The following SOX5 variants were observed in gnomAD, a reference collection of about 807,000 sequenced individuals.
SOX5 encodes the protein transcription factor SOX-5.
SOX5 carries 9 observed loss-of-function variants against 92.0 expected under a neutral mutation model. The ratio of observed to expected loss-of-function variants is 0.10; its 90% CI spans 0.06 to 0.17. The LOEUF is 0.17. SOX5 is among the 10% of genes least tolerant of loss of function. The pLI, the probability that SOX5 is intolerant of heterozygous loss-of-function variation, is 1.00. For synonymous variants in SOX5, 344 were observed against 336.3 expected, an observed-to-expected ratio of 1.02 and a Z score of -0.25; for missense variants, 642 against 944.5, an observed-to-expected ratio of 0.68 and a Z score of 4.20.
At chr12:23,984,439 G>C (rs887834054) in intron 4 of SOX5, among the ~76,000 whole-genome samples, 3 of 152,152 alleles carry the variant, frequency 2.0e-5, no homozygotes, top group Non-Finnish European at 2.9e-5. Flanking sequence ...AATCCACCAA[G>C]GGGTAGAAGC....
rs79911286 is a variant in SOX5 at position 23,618,824 on chromosome 12, T to C, written c.1018-14291A>G. Among the ~76,000 whole-genome samples, 497 of 152,318 alleles carry C rather than the reference T, an allele frequency of 3.3e-3. 2 individuals are homozygous for C. Among genetic ancestry groups the C allele is most frequent in the African/African-American group, 0.012 (479 of 41,584 alleles). On this transcript the variant is annotated intron_variant, in intron 8 of 14. Coordinates refer to ENST00000451604, the MANE Select transcript of SOX5 (RefSeq NM_006940.6). Reference sequence around the variant, plus strand: ...AACACTTTCCAGATAAAATGTTCTATGATTAAATTCATCTCTTTTGCAGTG... The same window carrying C: ...AACACTTTCCAGATAAAATGTTCTACGATTAAATTCATCTCTTTTGCAGTG...
chr12:24,376,173 A>T (rs990583846), intron 1 of SOX5, among the ~76,000 whole-genome samples: 1 of 152,250 alleles, frequency 6.6e-6, no homozygotes, highest in Non-Finnish European at 1.5e-5. Context: ...TTAAACTTTT[A>T]AAATGTGCGT....
At chr12:24,482,900 A>G (rs1946152608) in intron 1 of SOX5, among the ~76,000 whole-genome samples, 1 of 152,240 alleles carries the variant, frequency 6.6e-6, no homozygotes, top group Non-Finnish European at 1.5e-5. Context: ...TCTAAATGCC[A>G]AGTCAAGTTT....
At chr12:24,030,080 T>C (rs189409400) in intron 4 of SOX5, among the ~76,000 whole-genome samples, 101 of 152,000 alleles carry the variant, frequency 6.6e-4, no homozygotes, top group African/African-American at 2.2e-3. Flanking sequence ...CTCAATTACA[T>C]AGTAAATAAT....
chr12:24,004,585 A>T (rs533417905), intron 4 of SOX5, among the ~76,000 whole-genome samples: 1 of 152,254 alleles, frequency 6.6e-6, no homozygotes, highest in East Asian at 1.9e-4. Context: ...CACACTCACA[A>T]TGGTGGCCAT....
chr12:24,452,900 A>G (rs1273414348), intron 1 of SOX5, among the ~76,000 whole-genome samples: 1 of 152,210 alleles, frequency 6.6e-6, no homozygotes, highest in Non-Finnish European at 1.5e-5. Flanking sequence ...TTCAGGGAAT[A>G]TAAGGTCATG....
intron 1 of SOX5, among the ~76,000 whole-genome samples, chr12:24,418,768 C>G (rs929029479): frequency 6.6e-6 from 1 of 152,132 alleles, no homozygotes; most frequent in African/African-American, 2.4e-5. Flanking sequence ...TAAAAATACC[C>G]TGATGACTCA....
At chr12:24,011,107 T>C (rs1437961351) in intron 4 of SOX5, among the ~76,000 whole-genome samples, 1 of 152,154 alleles carries the variant, frequency 6.6e-6, no homozygotes, top group Non-Finnish European at 1.5e-5. Context: ...ATGACAATGA[T>C]ACAGCAATAA....
chr12:23,590,689 A>G (rs113216569), intron 9 of SOX5, among the ~76,000 whole-genome samples: 110 of 152,086 alleles, frequency 7.2e-4, no homozygotes, highest in Middle Eastern at 6.8e-3. Flanking sequence ...TTATTCTACC[A>G]AAGTGTCCAG....
chr12:24,498,708 G>T (rs1456763758), intron 1 of SOX5, among the ~76,000 whole-genome samples: 1 of 152,018 alleles, frequency 6.6e-6, no homozygotes, highest in Non-Finnish European at 1.5e-5. Flanking sequence ...TAAATGAATT[G>T]CAAAGAATCA....
chr12:24,014,674 T>A (rs1251577939), intron 4 of SOX5, among the ~76,000 whole-genome samples: 1 of 152,110 alleles, frequency 6.6e-6, no homozygotes, highest in Non-Finnish European at 1.5e-5. Flanking sequence ...AAATGGTAGG[T>A]TTTGGGAAAG....
At chr12:23,696,733 C>A (rs1024293759) in intron 6 of SOX5, among the ~76,000 whole-genome samples, 1 of 152,108 alleles carries the variant, frequency 6.6e-6, no homozygotes, top group African/African-American at 2.4e-5. Flanking sequence ...TAATGCTATA[C>A]ATTCCCTTCT....
chr12:24,536,099 C>G (rs1951617638), intron 1 of SOX5, among the ~76,000 whole-genome samples: 1 of 152,078 alleles, frequency 6.6e-6, no homozygotes, highest in Admixed American at 6.5e-5. Flanking sequence ...TACTGTTAAC[C>G]CTTGGAAGAT....
intron 6 of SOX5, among the ~76,000 whole-genome samples, chr12:23,685,760 C>A (rs2139908258): frequency 6.6e-6 from 1 of 152,146 alleles, no homozygotes; most frequent in Non-Finnish European, 1.5e-5. Context: ...GGAGGGACTC[C>A]ATGGACCCCA....
At chr12:24,473,184 T>C (rs926772183) in intron 1 of SOX5, among the ~76,000 whole-genome samples, 2 of 152,160 alleles carry the variant, frequency 1.3e-5, no homozygotes, top group African/African-American at 4.8e-5. Flanking sequence ...TAAATTTTTA[T>C]CTACACTCAT....
intron 10 of SOX5, among the ~76,000 whole-genome samples, chr12:23,572,067 T>C (rs1209160685): frequency 1.3e-5 from 2 of 152,218 alleles, no homozygotes; most frequent in Non-Finnish European, 2.9e-5. Context: ...AAGGATCTCC[T>C]TCCTTTGGAG....
rs16927122 is a variant in SOX5 at position 24,059,816 on chromosome 12, T to C, written c.-2+153527A>G. On this transcript the variant is annotated intron_variant, in intron 4 of 4. Transcript: ENST00000446891. ...AACCCAAACATATTTACTGAATACA[T>C]CGTTAATGGAAGATTCCAGGTACTG... Among the ~76,000 whole-genome samples, 296 of 152,294 alleles carry C rather than the reference T, an allele frequency of 1.9e-3. 9 individuals are homozygous for C. The East Asian group carries it at 0.051, about 26-fold the overall frequency.
At chr12:24,229,819 C>G (rs572321213) in intron 3 of SOX5, among the ~76,000 whole-genome samples, 1 of 152,148 alleles carries the variant, frequency 6.6e-6, no homozygotes, top group African/African-American at 2.4e-5. Flanking sequence ...AAAGGGGGAA[C>G]AAAATTCTTG....
At chr12:24,400,864 C>G (rs1291458832) in intron 1 of SOX5, among the ~76,000 whole-genome samples, 1 of 152,176 alleles carries the variant, frequency 6.6e-6, no homozygotes, top group Admixed American at 6.5e-5. Context: ...AGGCAAATGA[C>G]TTTATAAATG....
Sources: gnomAD v4.1 joint callset for allele counts (sites outside exome capture counted in the v4.1 genomes callset) on GRCh38, gnomAD v4.1.1 for gene constraint, MANE v1.5 for transcripts, NCBI Gene and HGNC (gene_info 2026-07-23, HGNC 2026-07-21) for gene names.